The following AKAP6 variants were observed in gnomAD, a reference collection of about 807,000 sequenced individuals.
The protein encoded by AKAP6 is A-kinase anchoring protein 6.
AKAP6 carries 58 observed loss-of-function variants against 188.5 expected under a neutral mutation model. That is an observed-to-expected ratio of 0.31 (90% CI 0.25 to 0.38). AKAP6 has a LOEUF of 0.38. Ranked by LOEUF, AKAP6 falls within the 10% of genes least tolerant of loss-of-function variation. AKAP6 has a pLI of 1.00. For synonymous variants in AKAP6, 989 were observed against 998.6 expected, an observed-to-expected ratio of 0.99 and a Z score of 0.18; for missense variants, 2,710 against 2,740.0, an observed-to-expected ratio of 0.99 and a Z score of 0.24.
intron 7 of AKAP6, among the ~76,000 whole-genome samples, chr14:32,636,981 CA>C: frequency 6.6e-6 from 1 of 152,082 alleles, no homozygotes; most frequent in Non-Finnish European, 1.5e-5. Flanking sequence ...GGTGGAGCCT[CA>C]AAGCAGTAAC....
In AKAP6 at chr14:32,640,091, CA is replaced by C. The variant is rs201039745; in HGVS notation, c.2731-38214del. On this transcript the variant is annotated intron_variant, in intron 7 of 13. Coordinates refer to ENST00000280979, the MANE Select transcript of AKAP6 (RefSeq NM_004274.5). ...TATGGTAGAGTATTTTAACAGAATA[CA>C]AAAAATAATATTCTTCATTTTTTTT... Among the ~76,000 whole-genome samples the C allele has an allele frequency of 6.6e-3, 984 of 150,208 alleles. 14 individuals are homozygous for C. The highest frequency in any genetic ancestry group is 0.023 in the African/African-American group (942 of 41,348).
At chr14:32,337,161 G>T (rs1415974928) in intron 1 of AKAP6, among the ~76,000 whole-genome samples, 1 of 152,200 alleles carries the variant, frequency 6.6e-6, no homozygotes, top group Non-Finnish European at 1.5e-5. Context: ...GGTGGTATAT[G>T]ATGTGGTAGA....
intron 7 of AKAP6, among the ~76,000 whole-genome samples, chr14:32,640,967 A>G (rs1169539346): frequency 6.6e-6 from 1 of 152,206 alleles, no homozygotes; most frequent in East Asian, 1.9e-4. Context: ...CCTTTTGGTG[A>G]TGTGTTTTCA....
rs1353927076 is a variant in AKAP6, at chr14:32,352,105, G to GTGTGTGTGTGTGTT, written c.-35+22710_-35+22711insTTGTGTGTGTGTGT. ...TGTGTGTGTGTGTGTGTGTGTGTTT[G>GTGTGTGTGTGTGTT]TGTGTGTGTGTGTGTGTGTGTGTGT... On this transcript the variant is annotated intron_variant, in intron 1 of 13. Transcript: ENST00000280979. Among the ~76,000 whole-genome samples, 11 of 66,572 alleles carry GTGTGTGTGTGTGTT rather than the reference G, an allele frequency of 1.7e-4. No homozygotes were observed. In the East Asian group the frequency reaches 4.5e-3, roughly 28 times the overall value. The allele number at this position is 66,572 out of a possible 152,430, so 43.7% of individuals were successfully genotyped here. A position where few individuals can be genotyped will look rare whatever the true frequency, so the allele number is the denominator to read the frequency against.
intron 9 of AKAP6, among the ~76,000 whole-genome samples, chr14:32,712,162 G>T (rs1231678747): frequency 6.6e-6 from 1 of 151,958 alleles, no homozygotes; most frequent in Non-Finnish European, 1.5e-5. Flanking sequence ...GAATCTTTTG[G>T]TTTCGCAGTG....
At chr14:32,613,645 T>C (rs188970413) in intron 7 of AKAP6, among the ~76,000 whole-genome samples, 25 of 152,298 alleles carry the variant, frequency 1.6e-4, no homozygotes, top group Admixed American at 1.4e-3. Context: ...ATGACTGTTG[T>C]AGGGTAATGC....
chr14:32,403,143 A>G (rs558668933), intron 1 of AKAP6: 66 of 152,302 alleles, frequency 4.3e-4, no homozygotes, highest in African/African-American at 1.5e-3. Flanking sequence ...GGCTTCTGGA[A>G]ATTTATTGAA....
At chr14:32,388,324 TTTG>T (rs1045746527) in intron 1 of AKAP6, among the ~76,000 whole-genome samples, 38 of 152,156 alleles carry the variant, frequency 2.5e-4, no homozygotes, top group African/African-American at 7.9e-4. Flanking sequence ...CTTTTGTATT[TTTG>T]TTGTTGTTGT....
At chr14:32,727,012 A>G (rs1379786815) in intron 9 of AKAP6, among the ~76,000 whole-genome samples, 2 of 152,210 alleles carry the variant, frequency 1.3e-5, no homozygotes, top group Non-Finnish European at 2.9e-5. Flanking sequence ...ATATAAACTC[A>G]TTAAAGGCCA....
At chr14:32,675,372 TAA>T (rs1889383990) in intron 7 of AKAP6, among the ~76,000 whole-genome samples, 1 of 152,228 alleles carries the variant, frequency 6.6e-6, no homozygotes, top group African/African-American at 2.4e-5. Context: ...TTAATCATGC[TAA>T]GTTTCCATGT....
chr14:32,423,290 C>T (rs886829261), intron 1 of AKAP6, among the ~76,000 whole-genome samples: 1 of 152,154 alleles, frequency 6.6e-6, no homozygotes, highest in Non-Finnish European at 1.5e-5. Context: ...CCACCTCAGC[C>T]TCCCTGGTAT....
intron 7 of AKAP6, among the ~76,000 whole-genome samples, chr14:32,640,509 A>T (rs1013103150): frequency 1.3e-5 from 2 of 152,162 alleles, no homozygotes; most frequent in Non-Finnish European, 2.9e-5. Flanking sequence ...GAAAGTAAAC[A>T]ATTTTCTTTT....
chr14:32,486,755 T>C (rs1314559400), intron 2 of AKAP6, among the ~76,000 whole-genome samples: 3 of 152,242 alleles, frequency 2.0e-5, no homozygotes, highest in East Asian at 3.8e-4. Flanking sequence ...AAACATGTCA[T>C]CTGTAAACAG....
At chr14:32,592,716 C>T (rs1479343110) in intron 5 of AKAP6, among the ~76,000 whole-genome samples, 2 of 152,160 alleles carry the variant, frequency 1.3e-5, no homozygotes, top group Admixed American at 6.5e-5. Context: ...AATAAAGCCA[C>T]TTGCATTATT....
At chr14:32,413,184 T>TTTTTTTC (rs1410470902) in intron 1 of AKAP6, among the ~76,000 whole-genome samples, 2 of 140,520 alleles carry the variant, frequency 1.4e-5, no homozygotes, top group African/African-American at 5.0e-5. Flanking sequence ...AATTTTTTTT[T>TTTTTTTC]TTTTTTTTTT....
At chr14:32,709,059 A>G (rs536139305) in intron 9 of AKAP6, among the ~76,000 whole-genome samples, 1 of 152,210 alleles carries the variant, frequency 6.6e-6, no homozygotes, top group East Asian at 1.9e-4. Context: ...ACCGCAAAAG[A>G]ATTCAAATTT....
At chr14:32,795,408 C>G (rs886270595) in intron 12 of AKAP6, among the ~76,000 whole-genome samples, 1 of 152,108 alleles carries the variant, frequency 6.6e-6, no homozygotes, top group Non-Finnish European at 1.5e-5. Context: ...CAAACTGAAT[C>G]CAGCCAGCAG....
chr14:32,783,856 AC>A (rs2140027399), intron 12 of AKAP6, among the ~76,000 whole-genome samples: 1 of 152,108 alleles, frequency 6.6e-6, no homozygotes, highest in Non-Finnish European at 1.5e-5. Flanking sequence ...TGAATCAACA[AC>A]CTAAACTGCC....
At chr14:32,716,214 C>T (rs1259973139) in intron 9 of AKAP6, among the ~76,000 whole-genome samples, 1 of 151,704 alleles carries the variant, frequency 6.6e-6, no homozygotes, top group Non-Finnish European at 1.5e-5. Flanking sequence ...GTTTCTGTCA[C>T]CATGTTTATG....
Sources: allele counts gnomAD v4.1 joint callset (sites outside exome capture counted in the v4.1 genomes callset), GRCh38; gene constraint gnomAD v4.1.1; transcripts MANE v1.5; gene names NCBI Gene and HGNC (gene_info 2026-07-23, HGNC 2026-07-21).